Variants in ABCG2 observed in about 807,000 individuals in gnomAD.
ABCG2 encodes the protein broad substrate specificity ATP-binding cassette transporter ABCG2.
Under a neutral mutation model 73.5 loss-of-function variants are expected in ABCG2, and 80 were observed. The ratio of observed to expected loss-of-function variants is 1.09; its 90% CI spans 0.91 to 1.31. ABCG2 has a LOEUF of 1.31. ABCG2 is among the 50% of genes most tolerant of loss of function. ABCG2 has a pLI of 0.00. For missense variants in ABCG2, 796 were observed against 786.2 expected, an observed-to-expected ratio of 1.01 and a Z score of -0.15; for synonymous variants, 269 against 282.4, an observed-to-expected ratio of 0.95 and a Z score of 0.48.
intron 1 of ABCG2, among the ~76,000 whole-genome samples, chr4:88,149,601 C>T (rs1469001332): frequency 6.6e-6 from 1 of 152,174 alleles, no homozygotes; most frequent in Non-Finnish European, 1.5e-5. Flanking sequence ...CCTGTAATGC[C>T]AGCACTTTGG....
chr4:88,167,370 C>CTTTTT (rs551648302), intron 1 of ABCG2, among the ~76,000 whole-genome samples: 2 of 101,460 alleles, frequency 2.0e-5, no homozygotes, highest in African/African-American at 7.9e-5. Flanking sequence ...TCCCTTCTGC[C>CTTTTT]TTTTTTTTTT....
intron 9 of ABCG2, among the ~76,000 whole-genome samples, chr4:88,108,475 C>T (rs1001331505): frequency 4.6e-5 from 7 of 151,908 alleles, no homozygotes; most frequent in South Asian, 2.1e-4. Context: ...GAGGTTGCAG[C>T]GAGCCAAGAT....
intron 9 of ABCG2, among the ~76,000 whole-genome samples, chr4:88,108,031 T>C (rs949478273): frequency 6.6e-6 from 1 of 152,232 alleles, no homozygotes; most frequent in Non-Finnish European, 1.5e-5. Context: ...TGCCAATTCT[T>C]TGCTGTTCTC....
intron 1 of ABCG2, among the ~76,000 whole-genome samples, chr4:88,181,592 G>C (rs111800277): frequency 6.6e-6 from 1 of 151,866 alleles, no homozygotes; most frequent in African/African-American, 2.4e-5. Flanking sequence ...ATAGCCTGGC[G>C]TGGTGGTGCA....
intron 1 of ABCG2, among the ~76,000 whole-genome samples, chr4:88,204,748 G>A (rs976917861): frequency 1.3e-5 from 2 of 152,132 alleles, no homozygotes; most frequent in Non-Finnish European, 2.9e-5. Context: ...TGTTTTAAAG[G>A]AATAAGAAGA....
intron 1 of ABCG2, among the ~76,000 whole-genome samples, chr4:88,214,811 A>C (rs984887660): frequency 2.6e-5 from 4 of 151,712 alleles, no homozygotes; most frequent in Non-Finnish European, 4.4e-5. Context: ...TTTTGTAGAG[A>C]TTAGGTCTTG....
At chr4:88,165,790 C>A (rs371582338) in intron 1 of ABCG2, among the ~76,000 whole-genome samples, 4 of 152,076 alleles carry the variant, frequency 2.6e-5, no homozygotes, top group African/African-American at 7.2e-5. Context: ...AGGAGAATCG[C>A]TTGAACCCGG....
At chr4:88,120,612 A>T (rs114753515) in intron 6 of ABCG2, among the ~76,000 whole-genome samples, 2,714 of 152,222 alleles carry the variant, frequency 0.018, 38 homozygotes, top group Non-Finnish European at 0.028. Flanking sequence ...CTTGCGTGGG[A>T]CCTGTAGCCC....
chr4:88,132,565 CTT>C lies in ABCG2; in HGVS notation c.263+9_263+10del. 6.2e-7 allele frequency: 1 copy of C among 1,614,124 alleles called. No homozygotes were observed. The highest frequency in any genetic ancestry group is 1.7e-5 in the Admixed American group (1 of 60,026). ...CACAGAAAACGCTTACTTATACTCT[CTT>C]ATACTCACGAAGATTTGCCTCCACC... On this transcript the variant is annotated intron_variant, in intron 3 of 15. Coordinates refer to ENST00000237612, the MANE Select transcript of ABCG2 (RefSeq NM_004827.3).
At chr4:88,104,532 A>G (rs1034386675) in intron 10 of ABCG2, among the ~76,000 whole-genome samples, 4 of 152,222 alleles carry the variant, frequency 2.6e-5, no homozygotes, top group African/African-American at 9.6e-5. Flanking sequence ...GAAGAACATC[A>G]GGAAAAATAG....
rs529873306 is a variant in ABCG2 at position 88,120,819 on chromosome 4, T to C, written c.689+816A>G. On this transcript the variant is annotated intron_variant, in intron 6 of 15. Coordinates refer to ENST00000237612, the MANE Select transcript of ABCG2 (RefSeq NM_004827.3). Reference sequence around the variant, plus strand: ...GAAATGAGTTAAGACTCTGGGAGACTGTTGGGAAGGCATGATTGGTTTTAA... The same window carrying C: ...GAAATGAGTTAAGACTCTGGGAGACCGTTGGGAAGGCATGATTGGTTTTAA... 6.6e-5 allele frequency among the ~76,000 whole-genome samples: 10 copies of C among 152,234 alleles called. No homozygotes were observed. In the South Asian group the frequency reaches 2.1e-3, roughly 32 times the overall value.
Position 88,090,805 on chromosome 4 carries a change from TGCAGTTTAATTA to T in ABCG2, c.*1417_*1428del, listed in dbSNP as rs1398664014. 6.6e-6 allele frequency: 1 copy of T among 152,264 alleles called. No homozygotes were observed. The highest frequency in any genetic ancestry group is 1.5e-5 in the Non-Finnish European group (1 of 68,048). 9.4% of individuals were successfully genotyped at this position (152,264 alleles called of 1,614,324 possible). ...AAAGTGGTGAAATCTGAATATTGTG[TGCAGTTTAATTA>T]ACAGTGATTGTACCAATGTTAACTT... On this transcript the variant is annotated 3_prime_UTR_variant, in exon 16 of 16. Transcript: ENST00000237612.
intron 1 of ABCG2, among the ~76,000 whole-genome samples, chr4:88,207,999 TCAGTTTACAAATACTGTTGCTCTATC>T (rs1729447611): frequency 6.6e-6 from 1 of 152,224 alleles, no homozygotes; most frequent in Non-Finnish European, 1.5e-5. Context: ...GGCTGTAAAT[TCAGTTTACAAATACTGTTGCTCTATC>T]AGTAGGTGTA....
rs138944612 is a variant in ABCG2 at position 88,164,428 on chromosome 4, G to A, written c.-19-24414C>T. On this transcript the variant is annotated intron_variant, in intron 1 of 15. Transcript: ENST00000515655. ...GGGAGGGACCTGGTGGGAGGTAATC[G>A]AATCACAGGGGTAATTATTCCTATG... 5.9e-3 allele frequency among the ~76,000 whole-genome samples: 897 copies of A among 152,230 alleles called. 10 individuals carry two copies. The highest frequency in any genetic ancestry group is 0.02 in the African/African-American group (837 of 41,536).
At chr4:88,105,849 A>G (rs1722733347) in intron 10 of ABCG2, among the ~76,000 whole-genome samples, 1 of 152,206 alleles carries the variant, frequency 6.6e-6, no homozygotes, top group South Asian at 2.1e-4. Context: ...CTCAACAACA[A>G]AAAAACAAAC....
chr4:88,166,582 C>T (rs1727529042), intron 1 of ABCG2, among the ~76,000 whole-genome samples: 1 of 152,146 alleles, frequency 6.6e-6, no homozygotes, highest in Admixed American at 6.5e-5. Context: ...TAATATGAGA[C>T]ATAGAGCTCG....
chr4:88,143,834 G>C (rs1164599383), intron 1 of ABCG2, among the ~76,000 whole-genome samples: 1 of 151,818 alleles, frequency 6.6e-6, no homozygotes. Context: ...CACCAATATG[G>C]AGCAATACAC....
At chr4:88,122,568 C>A (rs1429307168) in intron 5 of ABCG2, among the ~76,000 whole-genome samples, 1 of 152,108 alleles carries the variant, frequency 6.6e-6, no homozygotes, top group Non-Finnish European at 1.5e-5. Flanking sequence ...TGGGTAGAGC[C>A]GACCACAGCT....
intron 8 of ABCG2, among the ~76,000 whole-genome samples, chr4:88,113,861 G>A (rs1406356181): frequency 6.6e-6 from 1 of 152,086 alleles, no homozygotes; most frequent in Non-Finnish European, 1.5e-5. Context: ...CCACTCAGGA[G>A]GCTGAGGCAA....
Sources: allele counts gnomAD v4.1 joint callset (sites outside exome capture counted in the v4.1 genomes callset), GRCh38; gene constraint gnomAD v4.1.1; transcripts MANE v1.5; gene names NCBI Gene and HGNC (gene_info 2026-07-23, HGNC 2026-07-21).